RIF1: variants seen among roughly 807,000 people sequenced by gnomAD.
The protein encoded by RIF1 is replication timing regulatory factor 1, also known as telomere-associated protein RIF1.
In RIF1, 45 loss-of-function variants were observed where a neutral mutation model predicts 247.1. The observed-to-expected ratio is 0.18, with a 90% CI of 0.14 to 0.23. RIF1 has a LOEUF of 0.23. RIF1 is among the 10% of genes least tolerant of loss of function. RIF1 has a pLI of 1.00. For missense variants in RIF1, 2,967 were observed against 2,862.5 expected (o/e 1.04, Z -0.83); for synonymous variants, 1,087 against 978.8 (o/e 1.11, Z -2.06).
intron 10 of RIF1, among the ~76,000 whole-genome samples, 182 bp from the exon 11 acceptor site, chr2:151,435,281 C>A (rs371614971): frequency 4.7e-4 from 72 of 152,084 alleles, no homozygotes; most frequent in African/African-American, 1.6e-3. Context: ...ATATTTAGGG[C>A]AAATACAGTT....
intron 3 of RIF1, among the ~76,000 whole-genome samples, chr2:151,413,587 T>C (rs1686662423): frequency 6.6e-6 from 1 of 152,212 alleles, no homozygotes; most frequent in African/African-American, 2.4e-5. Flanking sequence ...CACTTTCAAG[T>C]AAGTTTAATG....
chr2:151,463,020 A>C lies in RIF1; in HGVS notation c.3500A>C (p.Asn1167Thr). ...GACAAAACCAGTCCAGAAATGTCAAACAGTAATAATGATGAAAGAAAAAAA... is the reference window on the plus strand; with the variant it reads ...GACAAAACCAGTCCAGAAATGTCAACCAGTAATAATGATGAAAGAAAAAAA... ...SLDKTSPEMS[N>T]SNNDERKKAL... Residue 1167 changes from asparagine (N) to threonine (T), a missense_variant, in exon 30 of 36, where the codon AAC becomes ACC. Coordinates refer to ENST00000444746, the MANE Select transcript of RIF1 (RefSeq NM_018151.5). The C allele has an allele frequency of 6.2e-7, 1 of 1,614,008 alleles. No homozygotes were observed. Among genetic ancestry groups the C allele is most frequent in the South Asian group, 1.1e-5 (1 of 91,076 alleles).
At chr2:151,500,043 T>C (rs2063245156) in intron 11 of RIF1, among the ~76,000 whole-genome samples, 1 of 152,112 alleles carries the variant, frequency 6.6e-6, no homozygotes, top group African/African-American at 2.4e-5. Context: ...AGAAAATAAT[T>C]AGAAAATAAT....
chr2:151,456,397 G>A (rs1179632656), intron 22 of RIF1, among the ~76,000 whole-genome samples, 181 bp from the exon 23 acceptor site: 2 of 152,136 alleles, frequency 1.3e-5, no homozygotes, highest in African/African-American at 4.8e-5. Flanking sequence ...TCAAAGATGG[G>A]ATGGTTTTAT....
chr2:151,526,695 G>A, the RIF1 span, among the ~76,000 whole-genome samples: 2 of 152,216 alleles, frequency 1.3e-5, no homozygotes, highest in Non-Finnish European at 2.9e-5. Context: ...CTCTGCTGGT[G>A]CAGTATAAAT....
At chr2:151,530,891 AGGGT>A in the RIF1 span, 1 of 712,590 alleles carries the variant, frequency 1.4e-6, no homozygotes, top group Non-Finnish European at 2.4e-6. Context: ...ACTAAGTTTT[AGGGT>A]GGTTGTTACA....
At chr2:151,439,020 G>T (rs1691764147) in intron 14 of RIF1, among the ~76,000 whole-genome samples, 1 of 152,176 alleles carries the variant, frequency 6.6e-6, no homozygotes, top group Non-Finnish European at 1.5e-5. Context: ...AAGCCTTGCT[G>T]ATAACATAAA....
chr2:151,435,387 A>G, intron 10 of RIF1, 76 bp from the exon 11 acceptor site: 1 of 827,908 alleles, frequency 1.2e-6, no homozygotes, highest in Non-Finnish European at 2.0e-6. Flanking sequence ...ATTTAATGAA[A>G]TTTATATTAT....
Position 151,503,447 on chromosome 2 carries a change from GAA to G in RIF1, c.*861+265_*861+266del. ...AAGTTTTCTTTGTACATAACCTGTA[GAA>G]AATAATTAGAATACCCAGAAAGGTA... On this transcript the variant is annotated intron_variant and NMD_transcript_variant, in intron 12 of 13. Transcript: ENST00000454583. 7.0e-6 allele frequency: 11 copies of G among 1,578,592 alleles called. No homozygotes were observed. Among genetic ancestry groups the G allele is most frequent in the Non-Finnish European group, 8.7e-6 (10 of 1,148,282 alleles).
chr2:151,450,843 C>G (rs763577175), intron 20 of RIF1, among the ~76,000 whole-genome samples: 2 of 152,200 alleles, frequency 1.3e-5, no homozygotes, highest in South Asian at 2.1e-4. Flanking sequence ...CTCAGCCTCC[C>G]AAAGTGCTGG....
the RIF1 span, among the ~76,000 whole-genome samples, chr2:151,521,519 C>G: frequency 6.6e-6 from 1 of 152,078 alleles, no homozygotes; most frequent in Non-Finnish European, 1.5e-5. Flanking sequence ...GAGATGTTCC[C>G]AAGAGTTGTG....
intron 17 of RIF1, 45 bp from the exon 18 acceptor site, chr2:151,443,484 A>G (rs746158453): frequency 1.3e-6 from 2 of 1,486,294 alleles, no homozygotes; most frequent in East Asian, 2.3e-5. Flanking sequence ...AAATTAATAT[A>G]TTCCTGCCAA....
the RIF1 span, among the ~76,000 whole-genome samples, chr2:151,513,876 GA>G: frequency 6.6e-6 from 1 of 152,148 alleles, no homozygotes; most frequent in East Asian, 1.9e-4. Flanking sequence ...AAGCCCTCTG[GA>G]GGAAACTATT....
Position 151,468,113 on chromosome 2 carries a change from A to G in RIF1, c.6714A>G (p.Lys2238=), listed in dbSNP as rs770987052. The change falls in exon 31 of 36, where the codon AAA becomes AAG. Residue 2238 remains lysine (K), a synonymous_variant. Coordinates refer to ENST00000444746, the MANE Select transcript of RIF1 (RefSeq NM_018151.5). The part of the protein sequence containing the change: ...SHSSNSSPIG[K]SVKTSPTTQS... ...CTTCCAATAGTTCTCCCATAGGAAAAAGTGTTAAAACTTCTCCTACTACAC... is the reference window on the plus strand; with the variant it reads ...CTTCCAATAGTTCTCCCATAGGAAAGAGTGTTAAAACTTCTCCTACTACAC... 6.2e-7 allele frequency: 1 copy of G among 1,613,628 alleles called. No individual in the cohort carries two copies.
In RIF1 at chr2:151,475,431, A is replaced by G. The variant is rs1175798669; in HGVS notation, c.*360A>G. ...TAAAATACTTTAAGTAAAATTGAAC[A>G]TTTTTATTTGAATTTTTGCTGAACT... On this transcript the variant is annotated 3_prime_UTR_variant, in exon 36 of 36. Transcript: ENST00000444746. The G allele has an allele frequency of 4.6e-6, 1 of 218,200 alleles. No individual in the cohort carries two copies. Among genetic ancestry groups the G allele is most frequent in the East Asian group, 1.5e-4 (1 of 6,722 alleles). 13.5% of individuals were successfully genotyped at this position (218,200 alleles called of 1,614,324 possible). A position where few individuals can be genotyped will look rare whatever the true frequency, so the allele number is the denominator to read the frequency against.
At position 151,440,118 on chromosome 2, in the gene RIF1, A is replaced by G. The variant is rs755927259; in HGVS notation, c.1638A>G (p.Ser546=). 1.9e-6 allele frequency: 3 copies of G among 1,547,344 alleles called. No homozygotes were observed. In the South Asian group the frequency reaches 3.5e-5, roughly 18 times the overall value. The change falls in exon 15 of 36, where the codon TCA becomes TCG. Residue 546 remains serine, a synonymous_variant. Coordinates refer to ENST00000444746, the MANE Select transcript of RIF1 (RefSeq NM_018151.5). ...TAAAGTCTGAAGTATTTCCTGTATCAAAAACGCTGGTAAGTATAATACCCG... is the reference window on the plus strand; with the variant it reads ...TAAAGTCTGAAGTATTTCCTGTATCGAAAACGCTGGTAAGTATAATACCCG... ...SIVKSEVFPV[S]KTLVLMEITI... is the part of the protein sequence containing the mutation.
At chr2:151,525,157 A>G in the RIF1 span, 1 of 1,605,628 alleles carries the variant, frequency 6.2e-7, no homozygotes, top group African/African-American at 1.3e-5. Context: ...GAGAGGGAAA[A>G]CTTACATCAC....
rs943588792 is a variant in RIF1 at position 151,505,802 on chromosome 2, G to T, written c.*862-408G>T. 13 of 561,530 alleles carry T rather than the reference G, an allele frequency of 2.3e-5. No individual in the cohort carries two copies. In the African/African-American group the frequency reaches 2.4e-4, roughly 11 times the overall value. 34.8% of individuals were successfully genotyped at this position (561,530 alleles called of 1,614,324 possible). On this transcript the variant is annotated intron_variant and NMD_transcript_variant, in intron 12 of 13. Coordinates refer to the RIF1 transcript ENST00000454583. ...TCGTCTCTTTGGGGCAGGGATGGGG[G>T]CCCCTATTTAGACTGCAGCCCTTTC...
At chr2:151,497,840 G>T in intron 10 of RIF1, 1 of 1,521,956 alleles carries the variant, frequency 6.6e-7, no homozygotes, top group Non-Finnish European at 8.8e-7. Context: ...CTGACAAAAT[G>T]CCACCGACTA....
Sources: allele counts gnomAD v4.1 joint callset (sites outside exome capture counted in the v4.1 genomes callset), GRCh38; gene constraint gnomAD v4.1.1; transcripts MANE v1.5; gene names NCBI Gene and HGNC (gene_info 2026-07-23, HGNC 2026-07-21).